GPC6: variants seen among roughly 807,000 people sequenced by gnomAD.
GPC6 encodes glypican 6.
A neutral mutation model predicts 55.2 loss-of-function variants in GPC6; 14 were observed. The observed-to-expected ratio is 0.25, with a 90% CI of 0.17 to 0.40. The LOEUF (loss-of-function observed/expected upper bound fraction) is 0.40, where lower values mean the gene tolerates loss of function less well. Ranked by LOEUF, GPC6 falls within the 10% of genes least tolerant of loss-of-function variation. The pLI is 1.00. For synonymous variants in GPC6, 278 were observed against 259.6 expected (o/e 1.07, Z -0.68); for missense variants, 641 against 708.5 (o/e 0.90, Z 1.08).
chr13:93,496,147 C>T (rs1880265056), intron 1 of GPC6, among the ~76,000 whole-genome samples: 1 of 152,136 alleles, frequency 6.6e-6, no homozygotes, highest in Non-Finnish European at 1.5e-5. Context: ...GCAGTTTGAT[C>T]TCAGACTGCT....
intron 3 of GPC6, among the ~76,000 whole-genome samples, chr13:93,834,574 G>T (rs1887660476): frequency 6.6e-6 from 1 of 152,098 alleles, no homozygotes. Context: ...GGTGCTTGAG[G>T]AGTGTGTGTG....
intron 4 of GPC6, among the ~76,000 whole-genome samples, chr13:94,219,343 C>T (rs1052717471): frequency 2.0e-5 from 3 of 152,164 alleles, no homozygotes; most frequent in Non-Finnish European, 4.4e-5. Flanking sequence ...TTTAGGTACT[C>T]AGTGCTAGTA....
In GPC6 at chr13:93,906,524, A is replaced by G. The variant is rs141788921; in HGVS notation, c.711+75979A>G. 3.0e-4 allele frequency among the ~76,000 whole-genome samples: 46 copies of G among 152,326 alleles called. No homozygotes were observed. The East Asian group carries it at 7.3e-3, about 24-fold the overall frequency. ...GATACCACTAAGATTATCATTATAC[A>G]TGACACAAAACTTTCCATTGATAAT... On this transcript the variant is annotated intron_variant, in intron 3 of 8. Coordinates refer to ENST00000377047, the MANE Select transcript of GPC6 (RefSeq NM_005708.5).
Position 93,964,248 on chromosome 13 carries a change from G to A in GPC6, c.712-63481G>A, listed in dbSNP as rs189017009. Among the ~76,000 whole-genome samples the A allele has an allele frequency of 2.0e-5, 3 of 152,256 alleles. No individual in the cohort carries two copies. In the East Asian group the frequency reaches 5.8e-4, roughly 29 times the overall value. On this transcript the variant is annotated intron_variant, in intron 3 of 8. Coordinates refer to ENST00000377047, the MANE Select transcript of GPC6 (RefSeq NM_005708.5). ...TTGATAACCTTGCATAGTGAAAAAG[G>A]TAACTCCTATGACAATTCAGTCATT...
chr13:93,499,846 A>G lies in GPC6; in HGVS notation c.161-45417A>G, dbSNP rs563423252. Reference sequence around the variant, plus strand: ...ACGAGTTGCCTTTCTTGTGTTACAAAGTTAGATGTGACTTGACTGAGCTTT... The same window carrying G: ...ACGAGTTGCCTTTCTTGTGTTACAAGGTTAGATGTGACTTGACTGAGCTTT... On this transcript the variant is annotated intron_variant, in intron 1 of 8. Coordinates refer to ENST00000377047, the MANE Select transcript of GPC6 (RefSeq NM_005708.5). 3.3e-5 allele frequency among the ~76,000 whole-genome samples: 5 copies of G among 152,318 alleles called. No homozygotes were observed. In the South Asian group the frequency reaches 1.0e-3, roughly 32 times the overall value.
chr13:93,639,572 G>T (rs1302117615), intron 2 of GPC6, among the ~76,000 whole-genome samples: 1 of 152,108 alleles, frequency 6.6e-6, no homozygotes, highest in Non-Finnish European at 1.5e-5. Flanking sequence ...GAAGATAGTA[G>T]CTTGGACCAG....
At position 93,306,734 on chromosome 13, in the gene GPC6, G is replaced by A. The variant is rs188639703; in HGVS notation, c.160+79118G>A. 2.5e-3 allele frequency among the ~76,000 whole-genome samples: 378 copies of A among 152,140 alleles called. 4 individuals carry two copies. In the Middle Eastern group the frequency reaches 0.027, roughly 11 times the overall value. On this transcript the variant is annotated intron_variant, in intron 1 of 8. Coordinates refer to ENST00000377047, the MANE Select transcript of GPC6 (RefSeq NM_005708.5). ...AATTTATTGAATCATGGGAATAAAA[G>A]GAATCTCATCTAGACATTTAGTCTA...
chr13:93,602,255 T>C (rs1354059297), intron 2 of GPC6, among the ~76,000 whole-genome samples: 1 of 152,166 alleles, frequency 6.6e-6, no homozygotes, highest in East Asian at 1.9e-4. Context: ...AAGTCCACCA[T>C]GGCTCTGAAG....
chr13:94,399,714 C>G (rs1320451891), intron 8 of GPC6, among the ~76,000 whole-genome samples: 1 of 152,132 alleles, frequency 6.6e-6, no homozygotes, highest in African/African-American at 2.4e-5. Context: ...TTTTAAAGAA[C>G]TCAAAAAAAT....
chr13:93,787,281 A>G (rs1027472116), intron 2 of GPC6, among the ~76,000 whole-genome samples: 5 of 152,216 alleles, frequency 3.3e-5, no homozygotes, highest in African/African-American at 1.2e-4. Context: ...TGTACAGAGC[A>G]GAGGGTAAAT....
At chr13:94,033,271 T>A (rs1433969563) in intron 4 of GPC6, among the ~76,000 whole-genome samples, 1 of 152,224 alleles carries the variant, frequency 6.6e-6, no homozygotes, top group African/African-American at 2.4e-5. Flanking sequence ...CCTGATTCTT[T>A]CATTGTGACA....
At chr13:93,260,172 T>G (rs1877093184) in intron 1 of GPC6, among the ~76,000 whole-genome samples, 1 of 152,152 alleles carries the variant, frequency 6.6e-6, no homozygotes, top group Non-Finnish European at 1.5e-5. Context: ...CTTATTTGTT[T>G]CTACAGAAGA....
intron 2 of GPC6, among the ~76,000 whole-genome samples, chr13:93,611,169 A>G (rs1208943299): frequency 6.6e-6 from 1 of 152,128 alleles, no homozygotes; most frequent in Non-Finnish European, 1.5e-5. Context: ...TACTATATAA[A>G]CTTTGGAAAA....
chr13:93,494,430 A>T (rs1395632768), intron 1 of GPC6, among the ~76,000 whole-genome samples: 2 of 151,284 alleles, frequency 1.3e-5, no homozygotes, highest in African/African-American at 4.9e-5. Context: ...TGCACGTGAG[A>T]TGGGTTTCCT....
intron 6 of GPC6, among the ~76,000 whole-genome samples, chr13:94,307,535 A>T (rs1200095473): frequency 6.6e-6 from 1 of 152,038 alleles, no homozygotes; most frequent in Non-Finnish European, 1.5e-5. Context: ...CTGGTCTCGA[A>T]CTCTTGAGCT....
intron 4 of GPC6, among the ~76,000 whole-genome samples, chr13:94,236,900 T>C (rs1890895842): frequency 6.6e-6 from 1 of 150,938 alleles, no homozygotes; most frequent in Non-Finnish European, 1.5e-5. Context: ...TTTTTTTTTT[T>C]CTCCTGAAAA....
chr13:93,370,200 T>C (rs1881400836), intron 1 of GPC6, among the ~76,000 whole-genome samples: 1 of 152,086 alleles, frequency 6.6e-6, no homozygotes, highest in Non-Finnish European at 1.5e-5. Flanking sequence ...AGAATTGGCA[T>C]GCCCTTTGGG....
intron 4 of GPC6, among the ~76,000 whole-genome samples, chr13:94,070,158 A>G (rs1884673496): frequency 6.6e-6 from 1 of 152,238 alleles, no homozygotes; most frequent in African/African-American, 2.4e-5. Context: ...GTTACATCTT[A>G]CAAGGATGGC....
At chr13:93,765,292 G>A (rs1885089615) in intron 2 of GPC6, among the ~76,000 whole-genome samples, 1 of 119,098 alleles carries the variant, frequency 8.4e-6, no homozygotes, top group African/African-American at 2.8e-5. Context: ...CAGATAAGCT[G>A]TCTGGAAAGA....
Sources: allele counts gnomAD v4.1 joint callset (sites outside exome capture counted in the v4.1 genomes callset), GRCh38; gene constraint gnomAD v4.1.1; transcripts MANE v1.5; gene names NCBI Gene and HGNC (gene_info 2026-07-23, HGNC 2026-07-21).